Variants in KRT7 observed in about 807,000 individuals in gnomAD.
KRT7 encodes the protein keratin, type II cytoskeletal 7.
A neutral mutation model predicts 42.8 loss-of-function variants in KRT7; 50 were observed. That is an observed-to-expected ratio of 1.17 (90% CI 0.93 to 1.48). The LOEUF (loss-of-function observed/expected upper bound fraction) is 1.48, where lower values mean the gene tolerates loss of function less well. Ranked by LOEUF, KRT7 falls within the 40% of genes most tolerant of loss-of-function variation. KRT7 has a pLI of 0.00. For missense variants in KRT7, 588 were observed against 637.6 expected (o/e 0.92, Z 0.84); for synonymous variants, 268 against 266.3 (o/e 1.01, Z -0.06).
At chr12:52,235,978 A>G (rs1286436978) in intron 2 of KRT7, among the ~76,000 whole-genome samples, 11 of 152,200 alleles carry the variant, frequency 7.2e-5, no homozygotes, top group Non-Finnish European at 1.2e-4. Flanking sequence ...AAGGAGGCTC[A>G]GGAAGGCTGG....
At chr12:52,244,659 T>C in intron 6 of KRT7, 1 of 985,412 alleles carries the variant, frequency 1.0e-6, no homozygotes, top group Non-Finnish European at 1.2e-6. Flanking sequence ...ATGGTGGTTT[T>C]CTGAGCTAAA....
At chr12:52,248,289 G>C (rs991991259) in intron 8 of KRT7, 78 bp downstream of exon 8, 8 of 1,440,332 alleles carry the variant, frequency 5.6e-6, no homozygotes, top group Non-Finnish European at 7.8e-6. Flanking sequence ...ATGGCAGACT[G>C]GCCCAGGGCC....
At chr12:52,246,598 T>G (rs925008511) in intron 7 of KRT7, 1 of 152,256 alleles carries the variant, frequency 6.6e-6, no homozygotes, top group Non-Finnish European at 1.5e-5. Context: ...CCGCAGGGTA[T>G]GAGTAGGAGG....
chr12:52,252,534 A>G (rs1942283207), downstream of KRT7: 16 of 1,595,142 alleles, frequency 1.0e-5, no homozygotes, highest in South Asian at 1.5e-4. Flanking sequence ...TCAGGGTCAG[A>G]GGCCAGGTAA....
Position 52,242,999 on chromosome 12 carries a change from A to G in KRT7, c.859-13A>G. On this transcript the variant is annotated splice_polypyrimidine_tract_variant and intron_variant, in intron 5 of 8. Transcript: ENST00000331817. Reference sequence around the variant, plus strand: ...CCATCTCTCTGCCATAACTCTCTGTATGGCCCCTCCAGTTTGAGACCCTCC... The same window carrying G: ...CCATCTCTCTGCCATAACTCTCTGTGTGGCCCCTCCAGTTTGAGACCCTCC... The G allele has an allele frequency of 6.2e-7, 1 of 1,608,518 alleles. No homozygotes were observed. Among genetic ancestry groups the G allele is most frequent in the Non-Finnish European group, 8.5e-7 (1 of 1,177,310 alleles).
chr12:52,237,595 A>G (rs1592389788), intron 3 of KRT7, 26 bp downstream of exon 3: 2 of 1,512,562 alleles, frequency 1.3e-6, no homozygotes, highest in Non-Finnish European at 1.8e-6. Context: ...AGGCTCGAGG[A>G]GGGTTGTCTG....
rs1461443588 is a variant in KRT7, at chr12:52,238,691, T to G, written c.609T>G (p.Ala203=). Residue 203 remains alanine (A), a synonymous_variant, in exon 4 of 9, where the codon GCT becomes GCG. Coordinates refer to ENST00000331817, the MANE Select transcript of KRT7 (RefSeq NM_005556.4). ...GCCCCAACCCCCAGGATGTGGATGC[T>G]GCCTACATGAGCAAGGTGGAGCTGG... The part of the protein sequence containing the change: ...EFVVLKKDVD[A]AYMSKVELEA... The G allele has an allele frequency of 1.1e-5, 18 of 1,613,092 alleles. No homozygotes were observed. In the East Asian group the frequency reaches 4.0e-4, roughly 36 times the overall value.
At chr12:52,235,103 TG>T (rs1386648993) in intron 1 of KRT7, 51 bp from the exon 2 acceptor site, 24 of 1,551,590 alleles carry the variant, frequency 1.5e-5, no homozygotes, top group South Asian at 1.3e-4. Context: ...AATCCCGCTG[TG>T]GGTGGCACGC....
In KRT7 at chr12:52,235,368, T is replaced by G; in HGVS notation, c.536+2T>G. The G allele has an allele frequency of 6.2e-7, 1 of 1,605,504 alleles. No individual in the cohort carries two copies. Among genetic ancestry groups the G allele is most frequent in the African/African-American group, 1.3e-5 (1 of 74,882 alleles). ...TGTGGTGGAGGACTTCAAGAATAAGTAATGCCCCCTGTGCCACATGCGAAG... is the reference window on the plus strand; with the variant it reads ...TGTGGTGGAGGACTTCAAGAATAAGGAATGCCCCCTGTGCCACATGCGAAG... On this transcript the variant is annotated splice_donor_variant, in intron 2 of 8. Coordinates refer to ENST00000331817, the MANE Select transcript of KRT7 (RefSeq NM_005556.4). LOFTEE classifies it high-confidence loss of function.
At chr12:52,255,793 A>G (rs914435013), downstream of KRT7, among the ~76,000 whole-genome samples, 2 of 152,190 alleles carry the variant, frequency 1.3e-5, no homozygotes, top group Non-Finnish European at 2.9e-5. Context: ...CACCTACAAC[A>G]TTGAGTAGAT....
chr12:52,233,334 G>T lies in KRT7; in HGVS notation c.38G>T (p.Arg13Leu). The change falls in exon 1 of 9, where the codon CGC (arginine) becomes CTC (leucine). Residue 13 changes from arginine (R) to leucine (L), a missense_variant. By Grantham distance (102) the Arg-to-Leu change is moderately radical. Transcript: ENST00000331817. ...TTCAGCTCCCCGGTATTCACCTCGC[G>T]CTCAGCCGCCTTCTCGGGCCGCGGC... ...IHFSSPVFTSRSAAFSGRGAQ... is the reference protein window; with the variant it reads ...IHFSSPVFTSLSAAFSGRGAQ... 6.4e-7 allele frequency: 1 copy of T among 1,570,392 alleles called. No homozygotes were observed. Among genetic ancestry groups the T allele is most frequent in the African/African-American group, 1.4e-5 (1 of 70,336 alleles).
chr12:52,241,341 C>T lies in KRT7; in HGVS notation c.694-131C>T. The T allele has an allele frequency of 5.4e-6, 4 of 747,268 alleles. No homozygotes were observed. In the East Asian group the frequency reaches 1.1e-4, roughly 21 times the overall value. The allele number at this position is 747,268 out of a possible 1,614,324, so 46.3% of individuals were successfully genotyped here. A position where few individuals can be genotyped will look rare whatever the true frequency, so the allele number is the denominator to read the frequency against. On this transcript the variant is annotated intron_variant, in intron 4 of 8. Transcript: ENST00000331817. The stretch of plus-strand genomic sequence containing the variant: ...CTTAATGTGTGCTGGGTCTGGGCCC[C>T]CTTGCTGCCTGGTGACTCAGCCCAC...
chr12:52,250,356 C>A, downstream of KRT7: 1 of 355,808 alleles, frequency 2.8e-6, no homozygotes, highest in Non-Finnish European at 5.3e-6. Flanking sequence ...GATGGGGAGG[C>A]TGGGCCCCGA....
chr12:52,252,247 A>G (rs543381322), downstream of KRT7: 2 of 1,613,744 alleles, frequency 1.2e-6, no homozygotes, highest in African/African-American at 1.3e-5. Context: ...CCCTCCCCAC[A>G]GCTGTGGTCC....
At chr12:52,252,055 CA>C, downstream of KRT7, 1 of 763,272 alleles carries the variant, frequency 1.3e-6, no homozygotes, top group South Asian at 1.5e-5. Flanking sequence ...CGCCCTCACA[CA>C]ACCTTATAGG....
intron 5 of KRT7, 57 bp downstream of exon 5, chr12:52,241,693 CT>C (rs1225021074): frequency 9.5e-6 from 14 of 1,480,068 alleles, no homozygotes; most frequent in Non-Finnish European, 1.2e-5. Flanking sequence ...GGCAGCTTCC[CT>C]TACTCCTCAA....
At chr12:52,251,703 C>T, downstream of KRT7, 1 of 313,056 alleles carries the variant, frequency 3.2e-6, no homozygotes, top group Non-Finnish European at 6.2e-6. Context: ...ACCTAAAAGT[C>T]CTTATGTGGT....
chr12:52,241,767 G>A lies in KRT7; in HGVS notation c.858+131G>A, dbSNP rs562542653. On this transcript the variant is annotated intron_variant, in intron 5 of 8. Coordinates refer to ENST00000331817, the MANE Select transcript of KRT7 (RefSeq NM_005556.4). ...TGGCAGGCACCAGTGGTTTAAGTCT[G>A]TGGTGCTCAGCCCTGGAGAAAATCC... is the stretch of plus-strand genomic sequence containing the variant. 40 of 739,042 alleles carry A rather than the reference G, an allele frequency of 5.4e-5. No homozygotes were observed. The South Asian group carries it at 7.2e-4, about 13-fold the overall frequency. The allele number at this position is 739,042 out of a possible 1,614,324, so 45.8% of individuals were successfully genotyped here.
chr12:52,251,863 G>A, downstream of KRT7: 2 of 383,842 alleles, frequency 5.2e-6, no homozygotes, highest in Admixed American at 7.1e-5. Context: ...TTCAAGTATT[G>A]CCTTTGGCTG....
Sources: gnomAD v4.1 joint callset for allele counts (sites outside exome capture counted in the v4.1 genomes callset) on GRCh38, gnomAD v4.1.1 for gene constraint, MANE v1.5 for transcripts, NCBI Gene and HGNC (gene_info 2026-07-23, HGNC 2026-07-21) for gene names.